ARHGAP24: variants seen among roughly 807,000 people sequenced by gnomAD.
ARHGAP24 encodes rho GTPase-activating protein 24.
Under a neutral mutation model 76.4 loss-of-function variants are expected in ARHGAP24, and 50 were observed. The observed-to-expected ratio is 0.65, with a 90% CI of 0.52 to 0.83. The LOEUF is 0.83. Ranked by LOEUF, ARHGAP24 falls within the 40% of genes least tolerant of loss-of-function variation. ARHGAP24 has a pLI of 0.00. For synonymous variants in ARHGAP24, 345 were observed against 323.3 expected (o/e 1.07, Z -0.72); for missense variants, 930 against 914.2 (o/e 1.02, Z -0.22).
chr4:85,746,642 G>GTTTGT (rs1419842125), intron 3 of ARHGAP24, among the ~76,000 whole-genome samples: 1 of 151,968 alleles, frequency 6.6e-6, no homozygotes, highest in African/African-American at 2.4e-5. Context: ...TGATTGGCTT[G>GTTTGT]TTTGTTTTGT....
chr4:85,822,875 C>T (rs1178274553), intron 3 of ARHGAP24, among the ~76,000 whole-genome samples: 1 of 152,150 alleles, frequency 6.6e-6, no homozygotes, highest in South Asian at 2.1e-4. Flanking sequence ...GTCCAAAGTA[C>T]ACTATATTTC....
intron 1 of ARHGAP24, among the ~76,000 whole-genome samples, chr4:85,485,776 C>A (rs1265705091): frequency 6.6e-6 from 1 of 151,256 alleles, no homozygotes; most frequent in African/African-American, 2.4e-5. Flanking sequence ...ACTTTGTCAC[C>A]CAGGCTGGAG....
At chr4:85,970,905 C>G (rs1245622467) in intron 5 of ARHGAP24, among the ~76,000 whole-genome samples, 1 of 152,156 alleles carries the variant, frequency 6.6e-6, no homozygotes, top group Non-Finnish European at 1.5e-5. Flanking sequence ...TTCTTGCTGT[C>G]TTTACTATCA....
intron 2 of ARHGAP24, among the ~76,000 whole-genome samples, chr4:85,599,673 T>A (rs1173070233): frequency 1.4e-4 from 2 of 14,216 alleles, no homozygotes; most frequent in Non-Finnish European, 1.7e-4. Context: ...ATTAAATTAT[T>A]TTTTTTTTGT....
rs562432012 is a variant in ARHGAP24 at position 85,935,276 on chromosome 4, A to G, written c.392-6790A>G. 1.6e-4 allele frequency among the ~76,000 whole-genome samples: 25 copies of G among 152,316 alleles called. 1 individual carries two copies. The South Asian group carries it at 3.1e-3, about 19-fold the overall frequency. On this transcript the variant is annotated intron_variant, in intron 4 of 9. Transcript: ENST00000395184. Reference sequence around the variant, plus strand: ...AGTGGTGCTGGGAATGAGAAGGTAAACAAACAGGTTGTCTCAAATCTATGA... The same window carrying G: ...AGTGGTGCTGGGAATGAGAAGGTAAGCAAACAGGTTGTCTCAAATCTATGA...
chr4:85,780,823 G>A (rs1320507143), intron 3 of ARHGAP24, among the ~76,000 whole-genome samples: 3 of 152,228 alleles, frequency 2.0e-5, no homozygotes, highest in South Asian at 2.1e-4. Flanking sequence ...GTTGTGTTCT[G>A]TAGTAGAGGT....
chr4:85,668,914 G>A (rs1382869474), intron 2 of ARHGAP24, among the ~76,000 whole-genome samples: 2 of 152,178 alleles, frequency 1.3e-5, no homozygotes, highest in Non-Finnish European at 2.9e-5. Context: ...TTACAAACCT[G>A]GTGAAGTAAC....
At chr4:85,923,497 C>A in intron 3 of ARHGAP24, 151 bp from the exon 4 acceptor site, 1 of 1,124,620 alleles carries the variant, frequency 8.9e-7, no homozygotes, top group Non-Finnish European at 1.3e-6. Context: ...TTTTTCTTTC[C>A]ACTCAGAAAC....
chr4:85,591,559 A>G (rs1728110419), intron 2 of ARHGAP24, among the ~76,000 whole-genome samples: 1 of 152,196 alleles, frequency 6.6e-6, no homozygotes, highest in Admixed American at 6.5e-5. Flanking sequence ...AGACTTAGTC[A>G]TTAGTTACAA....
At chr4:85,623,733 T>C (rs908315383) in intron 2 of ARHGAP24, among the ~76,000 whole-genome samples, 8 of 152,166 alleles carry the variant, frequency 5.3e-5, no homozygotes, top group African/African-American at 1.9e-4. Context: ...GCATGGAATG[T>C]TCTTCCATTT....
chr4:85,904,428 C>A (rs1280652213), intron 3 of ARHGAP24, among the ~76,000 whole-genome samples: 1 of 152,240 alleles, frequency 6.6e-6, no homozygotes, highest in Non-Finnish European at 1.5e-5. Context: ...TATTGGAACA[C>A]TTCCCTCTCA....
At chr4:85,965,081 T>C (rs936030754) in intron 5 of ARHGAP24, among the ~76,000 whole-genome samples, 3 of 152,134 alleles carry the variant, frequency 2.0e-5, no homozygotes, top group African/African-American at 7.2e-5. Context: ...TAGTCTGTTT[T>C]CATGCTACTG....
chr4:85,661,502 T>C (rs1258475433), intron 2 of ARHGAP24, among the ~76,000 whole-genome samples: 1 of 152,180 alleles, frequency 6.6e-6, no homozygotes, highest in Non-Finnish European at 1.5e-5. Flanking sequence ...TTAACAAATG[T>C]ATAGCTTCTG....
At chr4:85,483,035 A>G (rs1257704258) in intron 1 of ARHGAP24, among the ~76,000 whole-genome samples, 1 of 152,118 alleles carries the variant, frequency 6.6e-6, no homozygotes, top group East Asian at 1.9e-4. Context: ...TCCTCTCCTT[A>G]TATATGGGCA....
At chr4:85,651,640 C>T (rs6817549) in intron 2 of ARHGAP24, among the ~76,000 whole-genome samples, 53,012 of 147,062 alleles carry the variant, frequency 0.36, 11,922 homozygotes, top group East Asian at 0.84. Flanking sequence ...TTAGTCTTTA[C>T]CCAAACTGTG....
chr4:85,849,146 T>C (rs1731070526), intron 3 of ARHGAP24, among the ~76,000 whole-genome samples: 3 of 146,460 alleles, frequency 2.0e-5, no homozygotes, highest in South Asian at 4.8e-4. Flanking sequence ...GTAGTTCTCC[T>C]TGAAGAGGTC....
chr4:85,478,462 A>G (rs1290092000), intron 1 of ARHGAP24, among the ~76,000 whole-genome samples: 4 of 152,188 alleles, frequency 2.6e-5, no homozygotes, highest in Non-Finnish European at 2.9e-5. Context: ...GTGATGAAGA[A>G]TCAAAGAATA....
intron 3 of ARHGAP24, among the ~76,000 whole-genome samples, chr4:85,735,453 C>A (rs924712395): frequency 2.6e-5 from 4 of 152,076 alleles, no homozygotes; most frequent in Admixed American, 2.6e-4. Flanking sequence ...TTTTCTTTAT[C>A]CATTGATTAC....
intron 2 of ARHGAP24, among the ~76,000 whole-genome samples, chr4:85,680,795 A>C (rs1444898343): frequency 6.7e-6 from 1 of 148,698 alleles, no homozygotes; most frequent in Admixed American, 6.7e-5. Flanking sequence ...TATAATTATA[A>C]TTATAATATA....
Sources: gnomAD v4.1 joint callset for allele counts (sites outside exome capture counted in the v4.1 genomes callset) on GRCh38, gnomAD v4.1.1 for gene constraint, MANE v1.5 for transcripts, NCBI Gene and HGNC (gene_info 2026-07-23, HGNC 2026-07-21) for gene names.